NGEF: variants seen among roughly 807,000 people sequenced by gnomAD.
The protein encoded by NGEF is ephexin-1.
Under a neutral mutation model 80.9 loss-of-function variants are expected in NGEF, and 31 were observed. The observed-to-expected ratio is 0.38, with a 90% confidence interval of 0.29 to 0.52. The LOEUF is 0.52. Ranked by LOEUF, NGEF falls within the 20% of genes least tolerant of loss-of-function variation. NGEF has a pLI of 0.84. For missense variants in NGEF, 709 were observed against 926.2 expected (o/e 0.77, Z 3.04); for synonymous variants, 371 against 370.2 (o/e 1.00, Z -0.03).
Position 232,879,525 on chromosome 2 carries a change from C to G in NGEF, c.2097G>C (p.Lys699Asn), listed in dbSNP as rs764850072. Residue 699 changes from lysine (K) to asparagine (N), a missense_variant, in exon 15 of 15, where the codon AAG (lysine) becomes AAC (asparagine). By Grantham distance (94) the Lys-to-Asn change is moderately conservative. This residue lies in a region of NGEF where 426 missense variants were observed against 622.9 expected (regional missense o/e 0.68). Coordinates refer to ENST00000264051, the MANE Select transcript of NGEF (RefSeq NM_019850.3). Reference protein sequence around the residue: ...KMDDPQRSQNKDRRKLGSRNR... With the variant: ...KMDDPQRSQNNDRRKLGSRNR... Reference sequence around the variant, plus strand: ...TCCGGCTGCCCAGCTTCCTGCGGTCCTTGTTCTGGCTGCGCTGAGGGTCAT... The same window carrying G: ...TCCGGCTGCCCAGCTTCCTGCGGTCGTTGTTCTGGCTGCGCTGAGGGTCAT... 1.2e-6 allele frequency: 2 copies of G among 1,612,788 alleles called. No individual in the cohort carries two copies. Among genetic ancestry groups the G allele is most frequent in the Non-Finnish European group, 1.7e-6 (2 of 1,179,162 alleles).
At chr2:232,977,211 A>C (rs6718452) in intron 1 of NGEF, among the ~76,000 whole-genome samples, 1 of 151,512 alleles carries the variant, frequency 6.6e-6, no homozygotes, top group Non-Finnish European at 1.5e-5. Flanking sequence ...GGACCCCTGC[A>C]CTTGCTCCAC....
chr2:233,001,225 G>A (rs1333389407), intron 1 of NGEF, among the ~76,000 whole-genome samples: 1 of 152,200 alleles, frequency 6.6e-6, no homozygotes, highest in East Asian at 1.9e-4. Flanking sequence ...ACCGTGGCAG[G>A]TTCCTAGGCA....
At chr2:232,926,083 G>A (rs1437382587) in intron 4 of NGEF, among the ~76,000 whole-genome samples, 1 of 152,174 alleles carries the variant, frequency 6.6e-6, no homozygotes, top group Non-Finnish European at 1.5e-5. Flanking sequence ...CTCCGGTGGC[G>A]ATGGAAGCTC....
intron 3 of NGEF, among the ~76,000 whole-genome samples, chr2:232,932,038 T>A (rs2106289125): frequency 6.6e-6 from 1 of 152,320 alleles, no homozygotes; most frequent in South Asian, 2.1e-4. Context: ...GAATGGTAAC[T>A]GGTATGGTAA....
chr2:232,966,317 C>G (rs193102509), intron 3 of NGEF, among the ~76,000 whole-genome samples: 2 of 152,204 alleles, frequency 1.3e-5, no homozygotes, highest in Non-Finnish European at 2.9e-5. Context: ...TGGGCAGACT[C>G]CTTTTCAAAT....
At chr2:232,968,458 G>A (rs1694113733) in intron 3 of NGEF, among the ~76,000 whole-genome samples, 1 of 149,094 alleles carries the variant, frequency 6.7e-6, no homozygotes, top group South Asian at 2.1e-4. Flanking sequence ...CAGGCTGGAG[G>A]GCAATGGCAT....
chr2:232,978,282 G>T (rs56300417), intron 1 of NGEF, among the ~76,000 whole-genome samples: 5 of 151,686 alleles, frequency 3.3e-5, no homozygotes, highest in African/African-American at 7.2e-5. Flanking sequence ...CACAGGCTGA[G>T]GGGGGGGATC....
intron 3 of NGEF, among the ~76,000 whole-genome samples, chr2:232,966,978 A>G (rs1694073275): frequency 6.6e-6 from 1 of 152,154 alleles, no homozygotes; most frequent in Admixed American, 6.5e-5. Context: ...CAGAGACAGC[A>G]GGAAACAATT....
chr2:232,953,301 C>CAAAAAAAAAAAAA (rs57652494), intron 3 of NGEF, among the ~76,000 whole-genome samples: 1 of 91,228 alleles, frequency 1.1e-5, no homozygotes, highest in Non-Finnish European at 2.0e-5. Flanking sequence ...GACTCTGTGT[C>CAAAAAAAAAAAAA]AAAAAAAAAA....
At chr2:233,010,948 A>G (rs12694921) in intron 1 of NGEF, among the ~76,000 whole-genome samples, 58,117 of 151,998 alleles carry the variant, frequency 0.38, 13,439 homozygotes, top group Non-Finnish European at 0.52. Context: ...TGAAGACACC[A>G]TCATGGTAGC....
intron 12 of NGEF, 99 bp downstream of exon 12, chr2:232,883,212 T>C: frequency 1.4e-6 from 2 of 1,394,632 alleles, no homozygotes; most frequent in Non-Finnish European, 1.9e-6. Context: ...ACAGAGCGTG[T>C]GTGGTGCCTT....
chr2:232,993,262 T>C (rs193093224), intron 1 of NGEF, among the ~76,000 whole-genome samples: 24 of 101,704 alleles, frequency 2.4e-4, no homozygotes, highest in Admixed American at 4.0e-4. Flanking sequence ...TTTGCCCATA[T>C]ATATGAATTG....
At chr2:232,909,911 T>C (rs560616070) in intron 5 of NGEF, among the ~76,000 whole-genome samples, 6 of 152,390 alleles carry the variant, frequency 3.9e-5, no homozygotes, top group Non-Finnish European at 7.3e-5. Context: ...CAAGATGCCT[T>C]TGAGAAACAT....
At position 232,974,812 on chromosome 2, in the gene NGEF, G is replaced by C; in HGVS notation, c.79C>G (p.Pro27Ala). ...AGTAACTCAGGTTTCACCTTGGCTGGTTCATTATCAGTGTTCCATTGATCA... is the reference window on the plus strand; with the variant it reads ...AGTAACTCAGGTTTCACCTTGGCTGCTTCATTATCAGTGTTCCATTGATCA... ...ASDQWNTDNE[P>A]AKVKPELLPE... Residue 27 changes from proline (P) to alanine (A), a missense_variant, in exon 2 of 15, where the codon CCA becomes GCA. Pro to Ala is a conservative substitution (Grantham distance 27, BLOSUM62 -1). This residue lies in a region of NGEF where 283 missense variants were observed against 303.4 expected (regional missense o/e 0.93). Transcript: ENST00000264051. The C allele has an allele frequency of 6.2e-7, 1 of 1,614,206 alleles. No homozygotes were observed. The highest frequency in any genetic ancestry group is 1.1e-5 in the South Asian group (1 of 91,088).
intron 1 of NGEF, among the ~76,000 whole-genome samples, chr2:233,000,846 C>T (rs1178774277): frequency 6.6e-6 from 1 of 151,944 alleles, no homozygotes; most frequent in Non-Finnish European, 1.5e-5. Flanking sequence ...AGGGCATCAA[C>T]GGCTGAATTC....
At chr2:232,882,316 C>G in intron 12 of NGEF, 51 bp from the exon 13 acceptor site, 2 of 1,526,878 alleles carry the variant, frequency 1.3e-6, no homozygotes, top group East Asian at 2.3e-5. Flanking sequence ...CGGCAGCCCC[C>G]CAACGTGTGG....
chr2:233,006,107 C>T (rs1435449003), intron 1 of NGEF, among the ~76,000 whole-genome samples: 18 of 152,168 alleles, frequency 1.2e-4, no homozygotes, highest in African/African-American at 3.6e-4. Flanking sequence ...TGAGCCACTG[C>T]GCCTGGCCTG....
At chr2:232,940,689 T>G (rs1693419062) in intron 3 of NGEF, among the ~76,000 whole-genome samples, 1 of 152,208 alleles carries the variant, frequency 6.6e-6, no homozygotes, top group South Asian at 2.1e-4. Context: ...TGGAAAGACA[T>G]CCATAGTATT....
chr2:232,946,248 G>T (rs557500585), intron 3 of NGEF, among the ~76,000 whole-genome samples: 1 of 151,840 alleles, frequency 6.6e-6, no homozygotes, highest in Non-Finnish European at 1.5e-5. Context: ...ATACAAAGAC[G>T]TAAGAATGAC....
Sources: allele counts gnomAD v4.1 joint callset (sites outside exome capture counted in the v4.1 genomes callset), GRCh38; gene constraint gnomAD v4.1.1; regional missense constraint gnomAD v4.1.1; transcripts MANE v1.5; gene names NCBI Gene and HGNC (gene_info 2026-07-23, HGNC 2026-07-21).